The following PHF21B variants were observed in gnomAD, a reference collection of about 807,000 sequenced individuals.
The protein encoded by PHF21B is PHD finger protein 4.
PHF21B carries 22 observed loss-of-function variants against 62.2 expected under a neutral mutation model. The observed-to-expected ratio is 0.35, with a 90% confidence interval of 0.25 to 0.51. The LOEUF (loss-of-function observed/expected upper bound fraction) is 0.51. PHF21B is among the 20% of genes least tolerant of loss of function. The pLI is 0.97. For synonymous variants in PHF21B, 341 were observed against 314.7 expected, an observed-to-expected ratio of 1.08 and a Z score of -0.88; for missense variants, 701 against 707.9, an observed-to-expected ratio of 0.99 and a Z score of 0.11.
intron 2 of PHF21B, among the ~76,000 whole-genome samples, chr22:44,980,385 C>T (rs1387760164): frequency 1.3e-5 from 2 of 152,294 alleles, no homozygotes; most frequent in East Asian, 3.9e-4. Context: ...ACACACGGTT[C>T]CCAGAGTCTC....
At chr22:44,925,857 C>A (rs1037945340) in intron 2 of PHF21B, among the ~76,000 whole-genome samples, 1 of 152,216 alleles carries the variant, frequency 6.6e-6, no homozygotes, top group South Asian at 2.1e-4. Context: ...AGGCTCTGAT[C>A]TCCCCGCCCC....
intron 2 of PHF21B, among the ~76,000 whole-genome samples, chr22:44,979,983 C>T (rs2072808120): frequency 1.5e-5 from 2 of 131,820 alleles, no homozygotes; most frequent in South Asian, 4.9e-4. Flanking sequence ...GCAGGAGAAT[C>T]GCTTGAACCC....
At chr22:44,901,838 G>A (rs2071165125) in intron 5 of PHF21B, 1 of 273,282 alleles carries the variant, frequency 3.7e-6, no homozygotes, top group African/African-American at 2.2e-5. Flanking sequence ...GGAGGAGAAG[G>A]TTCTTGCAAC....
rs144014092 is a variant in PHF21B, at chr22:44,948,657, C to A, written c.121-28167G>T. Among the ~76,000 whole-genome samples the A allele has an allele frequency of 7.2e-3, 1,075 of 150,162 alleles. 14 individuals are homozygous for A. The highest frequency in any genetic ancestry group is 0.024 in the African/African-American group (974 of 40,664). ...AGTGAGCCGAGACTGTGCCACTGCACTCCAGCATGGGTGACAGAGTGAGAC... is the reference window on the plus strand; with the variant it reads ...AGTGAGCCGAGACTGTGCCACTGCAATCCAGCATGGGTGACAGAGTGAGAC... On this transcript the variant is annotated intron_variant, in intron 2 of 12. Transcript: ENST00000313237.
chr22:44,987,940 G>T (rs79810457), intron 2 of PHF21B, among the ~76,000 whole-genome samples: 189 of 152,226 alleles, frequency 1.2e-3, no homozygotes, highest in African/African-American at 4.5e-3. Flanking sequence ...CCACCCTGAA[G>T]ATCCACGTTG....
chr22:44,900,149 G>A (rs904500251), intron 5 of PHF21B, among the ~76,000 whole-genome samples: 2 of 151,846 alleles, frequency 1.3e-5, no homozygotes, highest in African/African-American at 2.4e-5. Flanking sequence ...TATATTATCG[G>A]AACACATCAT....
At chr22:44,940,916 G>T (rs2071943988) in intron 2 of PHF21B, among the ~76,000 whole-genome samples, 2 of 152,276 alleles carry the variant, frequency 1.3e-5, no homozygotes, top group South Asian at 4.2e-4. Flanking sequence ...GGTGAGTGGG[G>T]GGCTGTCGTT....
At chr22:44,947,411 G>A (rs906936851) in intron 2 of PHF21B, among the ~76,000 whole-genome samples, 11 of 152,312 alleles carry the variant, frequency 7.2e-5, no homozygotes, top group Non-Finnish European at 1.2e-4. Context: ...GGAAGTGCCC[G>A]CTGGGCCTTA....
intron 2 of PHF21B, among the ~76,000 whole-genome samples, chr22:45,007,010 G>A (rs1425343549): frequency 6.6e-6 from 1 of 151,894 alleles, no homozygotes; most frequent in Non-Finnish European, 1.5e-5. Context: ...CCCTCCCCCC[G>A]CCAACTCCCC....
chr22:44,946,195 G>T (rs939762646), intron 2 of PHF21B, among the ~76,000 whole-genome samples: 1 of 152,104 alleles, frequency 6.6e-6, no homozygotes, highest in Admixed American at 6.5e-5. Flanking sequence ...CCCAGGCTGA[G>T]AGTGGAGGGG....
chr22:44,959,215 C>T (rs1337759095), intron 2 of PHF21B, among the ~76,000 whole-genome samples: 4 of 152,148 alleles, frequency 2.6e-5, no homozygotes, highest in Non-Finnish European at 4.4e-5. Flanking sequence ...GGCTCGCATG[C>T]CTTCTGGAGG....
chr22:44,927,583 C>T (rs1192201672), intron 2 of PHF21B, among the ~76,000 whole-genome samples: 2 of 152,208 alleles, frequency 1.3e-5, no homozygotes, highest in African/African-American at 2.4e-5. Flanking sequence ...CTGCCATCCC[C>T]TTCCAACAAC....
At chr22:44,928,789 C>T (rs368008169) in intron 2 of PHF21B, among the ~76,000 whole-genome samples, 42 of 152,292 alleles carry the variant, frequency 2.8e-4, no homozygotes, top group East Asian at 1.2e-3. Flanking sequence ...CGCAGTGGGC[C>T]GTGTTTCCCA....
intron 2 of PHF21B, among the ~76,000 whole-genome samples, chr22:44,999,898 T>C (rs1200859477): frequency 1.3e-5 from 2 of 152,042 alleles, no homozygotes; most frequent in African/African-American, 4.8e-5. Flanking sequence ...ACGTCATCAG[T>C]CCCACTGGGT....
intron 6 of PHF21B, among the ~76,000 whole-genome samples, chr22:44,894,959 A>C (rs1165118611): frequency 1.3e-5 from 2 of 152,300 alleles, no homozygotes; most frequent in East Asian, 3.9e-4. Flanking sequence ...CACCTGCTGC[A>C]ATGGATAGAA....
In PHF21B at chr22:45,009,733, G is replaced by T. The variant is rs2073390627; in HGVS notation, c.-184C>A. The T allele has an allele frequency of 2.0e-6, 1 of 491,478 alleles. No homozygotes were observed. Among genetic ancestry groups the T allele is most frequent in the Non-Finnish European group, 3.5e-6 (1 of 289,088 alleles). The allele number at this position is 491,478 out of a possible 1,614,324, so 30.4% of individuals were successfully genotyped here. Reference sequence around the variant, plus strand: ...TGGCGAAGGGGAAGACAGGCTTCCGGGCGCCGCGGCGCCGAGCCCTCGGCT... The same window carrying T: ...TGGCGAAGGGGAAGACAGGCTTCCGTGCGCCGCGGCGCCGAGCCCTCGGCT... On this transcript the variant is annotated 5_prime_UTR_variant, in exon 1 of 13. Transcript: ENST00000313237. This position sits in a 1 kb window ranked among gnomAD's most constrained non-coding sequence, Gnocchi z 5.9.
At chr22:44,957,426 C>T (rs1342209681) in intron 2 of PHF21B, among the ~76,000 whole-genome samples, 2 of 152,240 alleles carry the variant, frequency 1.3e-5, no homozygotes, top group African/African-American at 2.4e-5. Flanking sequence ...ATGCGGGCCC[C>T]TCACAGCCTT....
intron 2 of PHF21B, among the ~76,000 whole-genome samples, chr22:44,956,102 TGAC>T (rs1219633759): frequency 6.6e-6 from 1 of 152,302 alleles, no homozygotes; most frequent in African/African-American, 2.4e-5. Context: ...CCCTCCAGCT[TGAC>T]GACACAGCGG....
At chr22:44,917,506 C>T (rs190979642) in intron 3 of PHF21B, among the ~76,000 whole-genome samples, 2 of 152,230 alleles carry the variant, frequency 1.3e-5, no homozygotes, top group African/African-American at 2.4e-5. Flanking sequence ...GGGAGGTCCA[C>T]GCCAATATTA....
Sources: allele counts gnomAD v4.1 joint callset (sites outside exome capture counted in the v4.1 genomes callset), GRCh38; gene constraint gnomAD v4.1.1; non-coding constraint Gnocchi (gnomAD v3.1); transcripts MANE v1.5; gene names NCBI Gene and HGNC (gene_info 2026-07-23, HGNC 2026-07-21).